PPP2R2C: variants seen among roughly 807,000 people sequenced by gnomAD.
PPP2R2C encodes the protein protein phosphatase 2 regulatory subunit Bgamma, also known as protein phosphatase 2, regulatory subunit B, gamma.
In PPP2R2C, 10 loss-of-function variants were observed where a neutral mutation model predicts 45.3. The ratio of observed to expected loss-of-function variants is 0.22; its 90% CI spans 0.14 to 0.37. The LOEUF is 0.37. Ranked by LOEUF, PPP2R2C falls within the 10% of genes least tolerant of loss-of-function variation. The pLI is 1.00. For missense variants in PPP2R2C, 308 were observed against 619.7 expected, an observed-to-expected ratio of 0.50 and a Z score of 5.34; for synonymous variants, 257 against 245.4, an observed-to-expected ratio of 1.05 and a Z score of -0.44.
At chr4:6,508,334 C>T (rs766546158) in intron 2 of PPP2R2C, among the ~76,000 whole-genome samples, 5 of 152,176 alleles carry the variant, frequency 3.3e-5, no homozygotes, top group Admixed American at 6.5e-5. Context: ...CGCCTGTAAT[C>T]CCAGCACTTT....
intron 1 of PPP2R2C, among the ~76,000 whole-genome samples, chr4:6,548,015 C>T (rs981670784): frequency 1.3e-5 from 2 of 152,006 alleles, no homozygotes; most frequent in African/African-American, 2.4e-5. Context: ...GTCAGGAGTT[C>T]GAGACCAGCC....
chr4:6,562,962 CAAA>C (rs746793663), intron 1 of PPP2R2C, among the ~76,000 whole-genome samples: 6 of 83,230 alleles, frequency 7.2e-5, no homozygotes, highest in African/African-American at 9.2e-5. Context: ...CCCTGCCAGC[CAAA>C]AAAAAAAAAA....
Position 6,491,623 on chromosome 4 carries a change from G to A in PPP2R2C, c.49+43648C>T, listed in dbSNP as rs183495790. On this transcript the variant is annotated intron_variant, in intron 2 of 9. Transcript: ENST00000506140. ...CCCCACCCAAGTCTCATGTCAAATT[G>A]CAATCCTCAATGTTGGAGGAGGGGC... Among the ~76,000 whole-genome samples, 24 of 152,336 alleles carry A rather than the reference G, an allele frequency of 1.6e-4. No individual in the cohort carries two copies. In the East Asian group the frequency reaches 4.6e-3, roughly 29 times the overall value.
At chr4:6,520,252 T>C (rs1238985530) in intron 2 of PPP2R2C, among the ~76,000 whole-genome samples, 1 of 151,812 alleles carries the variant, frequency 6.6e-6, no homozygotes, top group Admixed American at 6.5e-5. Context: ...AGGCACGGAG[T>C]GGACACTCAG....
chr4:6,336,348 TG>T (rs941459986), intron 6 of PPP2R2C, among the ~76,000 whole-genome samples: 24 of 151,886 alleles, frequency 1.6e-4, no homozygotes, highest in African/African-American at 5.8e-4. Flanking sequence ...ATCAGCACCA[TG>T]GGAAGGAAGG....
chr4:6,541,675 A>C (rs1724806806), intron 1 of PPP2R2C, among the ~76,000 whole-genome samples: 1 of 152,178 alleles, frequency 6.6e-6, no homozygotes. Context: ...CCTCCAGAGT[A>C]GCTGGGATTA....
chr4:6,464,558 A>G (rs1721496182), intron 1 of PPP2R2C, among the ~76,000 whole-genome samples: 1 of 152,228 alleles, frequency 6.6e-6, no homozygotes, highest in Non-Finnish European at 1.5e-5. Context: ...CAAAAGGAAA[A>G]AATGTTCAAC....
chr4:6,474,467 C>T (rs1722065991), upstream of PPP2R2C, among the ~76,000 whole-genome samples: 1 of 152,078 alleles, frequency 6.6e-6, no homozygotes, highest in African/African-American at 2.4e-5. Flanking sequence ...CCCGCATGTT[C>T]CTCAGCCTCC....
In PPP2R2C at chr4:6,325,373, G is replaced by C. The variant is rs113201685; in HGVS notation, c.1053-1780C>G. ...ATATGTGACTCAGAGCCTGGGACAA[G>C]GGAAGCAGCATGCGAGGGGGGCCGG... On this transcript the variant is annotated intron_variant, in intron 8 of 8. Coordinates refer to ENST00000382599, the MANE Select transcript of PPP2R2C (RefSeq NM_020416.4). 6.0e-3 allele frequency among the ~76,000 whole-genome samples: 916 copies of C among 152,298 alleles called. 9 individuals are homozygous for C. Among genetic ancestry groups the C allele is most frequent in the African/African-American group, 0.021 (862 of 41,566 alleles).
At chr4:6,394,602 G>A (rs907843566) in intron 1 of PPP2R2C, among the ~76,000 whole-genome samples, 7 of 152,204 alleles carry the variant, frequency 4.6e-5, no homozygotes, top group Non-Finnish European at 4.4e-5. Flanking sequence ...CACCCCTGCC[G>A]CAGGGCTCTG....
At position 6,526,539 on chromosome 4, in the gene PPP2R2C, T is replaced by G. The variant is rs113879849; in HGVS notation, c.49+8732A>C. On this transcript the variant is annotated intron_variant, in intron 2 of 9. Transcript: ENST00000506140. ...ACTGTGCACTCTAAAATGGTTAAAT[T>G]GGTGAAAAGAAAAGAAGAGGGGGTG... 7.7e-3 allele frequency among the ~76,000 whole-genome samples: 1,169 copies of G among 152,268 alleles called. 18 individuals are homozygous for G. The highest frequency in any genetic ancestry group is 0.027 in the African/African-American group (1,113 of 41,536).
At position 6,378,492 on chromosome 4, in the gene PPP2R2C, G is replaced by C; in HGVS notation, c.249C>G (p.Leu83=). ...TCTTCTCCTCTATCTCCAGGCTCTT[G>C]AGATAGTCAAACTCCGGCTCGTGGC... ...FQSHEPEFDY[L]KSLEIEEKIN... is the part of the protein sequence containing the mutation. The change falls in exon 3 of 9, where the codon CTC becomes CTG. Residue 83 remains leucine (L), a synonymous_variant. Transcript: ENST00000382599. This position sits in a 1 kb window ranked among gnomAD's most constrained non-coding sequence, Gnocchi z 5.2. The C allele has an allele frequency of 6.2e-7, 1 of 1,614,164 alleles. No individual in the cohort carries two copies. Among genetic ancestry groups the C allele is most frequent in the Non-Finnish European group, 8.5e-7 (1 of 1,180,036 alleles).
rs941929944 is a variant in PPP2R2C at position 6,329,608 on chromosome 4, G to A, written c.961-255C>T. 7.8e-6 allele frequency among the ~76,000 whole-genome samples: 1 copy of A among 128,580 alleles called. No homozygotes were observed. Among genetic ancestry groups the A allele is most frequent in the Admixed American group, 7.1e-5 (1 of 14,146 alleles). 84.4% of individuals were successfully genotyped at this position (128,580 alleles called of 152,430 possible). ...CCAATACAGCCCTGCTCATCTTATC[G>A]GGGGGCCCACGACCAGGCACACGGC... On this transcript the variant is annotated intron_variant, in intron 7 of 8. Transcript: ENST00000382599. This position sits in a 1 kb window ranked among gnomAD's most constrained non-coding sequence, Gnocchi z 5.8.
intron 1 of PPP2R2C, chr4:6,384,096 T>G (rs959429054): frequency 1.0e-6 from 1 of 985,006 alleles, no homozygotes; most frequent in Admixed American, 6.2e-5. Context: ...CAGAACAGGG[T>G]CAGGTCCCAG....
chr4:6,397,187 C>A (rs745482870), intron 1 of PPP2R2C, among the ~76,000 whole-genome samples: 9 of 152,220 alleles, frequency 5.9e-5, no homozygotes, highest in Non-Finnish European at 1.2e-4. Context: ...AGCCCACGTC[C>A]CAGTCGGCAG....
chr4:6,526,869 C>A lies in PPP2R2C; in HGVS notation c.49+8402G>T, dbSNP rs1399785685. ...ACCAGCCTCATTAAGTGCAATCAGG[C>A]CTGATTCCCTGAGGAGGGGGACAGC... On this transcript the variant is annotated intron_variant, in intron 2 of 9. Transcript: ENST00000506140. Among the ~76,000 whole-genome samples, 5 of 152,326 alleles carry A rather than the reference C, an allele frequency of 3.3e-5. No individual in the cohort carries two copies. In the East Asian group the frequency reaches 9.6e-4, roughly 29 times the overall value.
chr4:6,550,326 C>T (rs957158476), intron 1 of PPP2R2C, among the ~76,000 whole-genome samples: 11 of 152,094 alleles, frequency 7.2e-5, no homozygotes, highest in Non-Finnish European at 1.3e-4. Flanking sequence ...CCCACAGTGC[C>T]CTCAGGCCAG....
At chr4:6,401,448 G>A (rs927589939) in intron 1 of PPP2R2C, among the ~76,000 whole-genome samples, 8 of 152,032 alleles carry the variant, frequency 5.3e-5, no homozygotes, top group African/African-American at 9.7e-5. Flanking sequence ...GGCAACATCC[G>A]AGATGCTAAA....
chr4:6,337,108 GTGTGTATATATATATATATATATATATA>G lies in PPP2R2C; in HGVS notation c.791-3405_791-3378del, dbSNP rs1458196753. ...TTGGCATCTTTGTTTCTGTATGTGT[GTGTGTATATATATATATATATATATATA>G]TATATATATATATATATATATATAT... On this transcript the variant is annotated intron_variant, in intron 6 of 8. Transcript: ENST00000382599. Among the ~76,000 whole-genome samples, 34 of 33,246 alleles carry G rather than the reference GTGTGTATATATATATATATATATATATA, an allele frequency of 1.0e-3. 2 individuals are homozygous for G. Among genetic ancestry groups the G allele is most frequent in the African/African-American group, 2.2e-3 (28 of 12,924 alleles). 21.8% of individuals were successfully genotyped at this position (33,246 alleles called of 152,430 possible).
Sources: allele counts gnomAD v4.1 joint callset (sites outside exome capture counted in the v4.1 genomes callset), GRCh38; gene constraint gnomAD v4.1.1; non-coding constraint Gnocchi (gnomAD v3.1); transcripts MANE v1.5; gene names NCBI Gene and HGNC (gene_info 2026-07-23, HGNC 2026-07-21).